Variants in CA10 observed in about 807,000 individuals in gnomAD.
The protein encoded by CA10 is carbonic anhydrase-related protein 10.
In CA10, 14 loss-of-function variants were observed where a neutral mutation model predicts 44.2. That is an observed-to-expected ratio of 0.32 (90% CI 0.21 to 0.50). CA10 has a LOEUF of 0.50. CA10 is among the 20% of genes least tolerant of loss of function. The probability of loss-of-function intolerance (pLI) is 0.99; values close to 1 mark genes in which losing one functional copy is unlikely to be tolerated. For missense variants in CA10, 350 were observed against 409.7 expected (o/e 0.85, Z 1.26); for synonymous variants, 159 against 141.6 (o/e 1.12, Z -0.87).
chr17:52,003,705 A>G (rs543407892), intron 2 of CA10, among the ~76,000 whole-genome samples: 1 of 152,034 alleles, frequency 6.6e-6, no homozygotes, highest in Admixed American at 6.6e-5. Flanking sequence ...GTAGGAAACA[A>G]AAGTTCACAC....
intron 1 of CA10, among the ~76,000 whole-genome samples, chr17:52,121,265 C>T (rs557598203): frequency 6.6e-6 from 1 of 152,162 alleles, no homozygotes; most frequent in Non-Finnish European, 1.5e-5. Context: ...CCTTCTCTGC[C>T]TCATCTCTGG....
chr17:52,021,646 T>A (rs926310612), intron 2 of CA10, among the ~76,000 whole-genome samples: 3 of 152,020 alleles, frequency 2.0e-5, no homozygotes, highest in Admixed American at 6.6e-5. Flanking sequence ...AAAAGATCAA[T>A]AGACTACTAG....
intron 3 of CA10, among the ~76,000 whole-genome samples, chr17:51,874,388 T>TAAAAAAAAAAAAAAA (rs780808287): frequency 7.8e-6 from 1 of 127,458 alleles, no homozygotes. Context: ...GAGTAATTAT[T>TAAAAAAAAAAAAAAA]AAAAAAAAAA....
At chr17:52,069,700 T>C (rs934664476) in intron 2 of CA10, among the ~76,000 whole-genome samples, 2 of 152,238 alleles carry the variant, frequency 1.3e-5, no homozygotes, top group African/African-American at 4.8e-5. Flanking sequence ...ATAAATGCTA[T>C]TGAACTGACC....
chr17:51,738,837 G>C (rs533980330), intron 4 of CA10, among the ~76,000 whole-genome samples: 3 of 152,282 alleles, frequency 2.0e-5, no homozygotes, highest in African/African-American at 7.2e-5. Context: ...GGATTTGACA[G>C]AATTCTAAAT....
chr17:52,119,381 G>A (rs1439271174), intron 1 of CA10, among the ~76,000 whole-genome samples: 4 of 152,182 alleles, frequency 2.6e-5, no homozygotes, highest in Non-Finnish European at 2.9e-5. Context: ...AAGGAATCAA[G>A]CTTGACTTGC....
intron 3 of CA10, among the ~76,000 whole-genome samples, chr17:51,917,309 C>G (rs547612503): frequency 9.4e-6 from 1 of 105,830 alleles, no homozygotes; most frequent in South Asian, 3.5e-4. Flanking sequence ...ACAGGAGACA[C>G]CTTGCCTGGG....
chr17:51,648,825 C>G (rs889801655), intron 6 of CA10, among the ~76,000 whole-genome samples: 1 of 152,162 alleles, frequency 6.6e-6, no homozygotes, highest in East Asian at 1.9e-4. Flanking sequence ...TCCATAGTAC[C>G]TGATGAGGGC....
At chr17:51,929,124 C>CA (rs559276184) in intron 3 of CA10, among the ~76,000 whole-genome samples, 227 of 151,244 alleles carry the variant, frequency 1.5e-3, no homozygotes, top group Middle Eastern at 6.8e-3. Context: ...ATCTCTAAAA[C>CA]AAAAAAAAAC....
At chr17:52,104,514 G>T (rs1988614755) in intron 1 of CA10, among the ~76,000 whole-genome samples, 1 of 152,100 alleles carries the variant, frequency 6.6e-6, no homozygotes, top group South Asian at 2.1e-4. Flanking sequence ...CTCCTGCCTT[G>T]TTCTTAGCTG....
chr17:51,754,064 G>A (rs1451871450), intron 3 of CA10, among the ~76,000 whole-genome samples: 1 of 151,756 alleles, frequency 6.6e-6, no homozygotes, highest in Non-Finnish European at 1.5e-5. Context: ...GGCTGGTCTC[G>A]AACTCCTGAC....
intron 3 of CA10, among the ~76,000 whole-genome samples, chr17:51,890,298 G>T (rs1980797852): frequency 6.6e-6 from 1 of 152,166 alleles, no homozygotes; most frequent in African/African-American, 2.4e-5. Context: ...GAAGACTTCA[G>T]ACCATGACAT....
At chr17:51,797,744 C>T (rs1247663282) in intron 3 of CA10, among the ~76,000 whole-genome samples, 1 of 149,854 alleles carries the variant, frequency 6.7e-6, no homozygotes, top group African/African-American at 2.4e-5. Flanking sequence ...ATCCCAGCTA[C>T]TCAGGCTGAG....
intron 5 of CA10, 104 bp downstream of exon 5, chr17:51,653,537 G>C: frequency 1.4e-6 from 1 of 732,568 alleles, no homozygotes; most frequent in Admixed American, 2.0e-5. Flanking sequence ...TCTTAGGCAT[G>C]GATAGCACCC....
chr17:51,996,669 G>C (rs1015621353), intron 2 of CA10, among the ~76,000 whole-genome samples: 2 of 151,768 alleles, frequency 1.3e-5, no homozygotes, highest in African/African-American at 4.8e-5. Context: ...TCTCTACTTG[G>C]TAAGAATTTC....
intron 4 of CA10, among the ~76,000 whole-genome samples, chr17:51,718,894 C>T (rs1226233910): frequency 2.0e-5 from 3 of 152,106 alleles, no homozygotes; most frequent in Non-Finnish European, 4.4e-5. Context: ...TAGAAAAAAA[C>T]ACTTTGTTTT....
chr17:51,720,046 T>C (rs569963363), intron 4 of CA10, among the ~76,000 whole-genome samples: 17 of 152,290 alleles, frequency 1.1e-4, no homozygotes, highest in African/African-American at 4.1e-4. Flanking sequence ...ATAATAATAC[T>C]AAGAGTAATA....
chr17:51,966,001 C>A (rs1285010035), intron 2 of CA10, among the ~76,000 whole-genome samples: 1 of 151,832 alleles, frequency 6.6e-6, no homozygotes, highest in East Asian at 1.9e-4. Flanking sequence ...CTGGAACTGA[C>A]AAACAACTTC....
intron 4 of CA10, among the ~76,000 whole-genome samples, chr17:51,693,693 G>A (rs1458412810): frequency 6.6e-6 from 1 of 151,982 alleles, no homozygotes; most frequent in Non-Finnish European, 1.5e-5. Context: ...TTATTTCTGT[G>A]TAGCATTTCA....
Sources: gnomAD v4.1 joint callset for allele counts (sites outside exome capture counted in the v4.1 genomes callset) on GRCh38, gnomAD v4.1.1 for gene constraint, MANE v1.5 for transcripts, NCBI Gene and HGNC (gene_info 2026-07-23, HGNC 2026-07-21) for gene names.